The following COPS3 variants were observed in gnomAD, a reference collection of about 807,000 sequenced individuals.
COPS3 encodes COP9 signalosome complex subunit 3.
COPS3 carries 10 observed loss-of-function variants against 58.2 expected under a neutral mutation model. That is an observed-to-expected ratio of 0.17 (90% CI 0.11 to 0.29). The LOEUF (loss-of-function observed/expected upper bound fraction) is 0.29. Ranked by LOEUF, COPS3 falls within the 10% of genes least tolerant of loss-of-function variation. The pLI, the probability that COPS3 is intolerant of heterozygous loss-of-function variation, is 1.00. For missense variants in COPS3, 333 were observed against 510.1 expected, an observed-to-expected ratio of 0.65 and a Z score of 3.34; for synonymous variants, 187 against 181.7, an observed-to-expected ratio of 1.03 and a Z score of -0.24.
intron 2 of COPS3, 66 bp downstream of exon 2, chr17:17,275,969 A>G: frequency 1.4e-6 from 2 of 1,399,640 alleles, no homozygotes; most frequent in African/African-American, 2.9e-5. Flanking sequence ...AAATAAAAAT[A>G]AAGCCAGGAA....
intron 4 of COPS3, among the ~76,000 whole-genome samples, chr17:17,270,012 T>C (rs904404942): frequency 6.6e-6 from 1 of 152,016 alleles, no homozygotes; most frequent in African/African-American, 2.4e-5. Context: ...AAAAATTAGC[T>C]GGGCGTGGCA....
chr17:17,267,528 C>T (rs113871647), intron 5 of COPS3, among the ~76,000 whole-genome samples: 21,619 of 150,256 alleles, frequency 0.14, 1,613 homozygotes, highest in South Asian at 0.22. Flanking sequence ...GTCTCAGCTA[C>T]GCGAGAGGCT....
intron 2 of COPS3, among the ~76,000 whole-genome samples, chr17:17,275,324 T>C (rs2145258101): frequency 6.6e-6 from 1 of 152,184 alleles, no homozygotes; most frequent in African/African-American, 2.4e-5. Context: ...TGGCCCCAAG[T>C]GATCCACCTG....
chr17:17,268,146 A>G, intron 4 of COPS3, 169 bp from the exon 5 acceptor site: 1 of 1,010,290 alleles, frequency 9.9e-7, no homozygotes, highest in Non-Finnish European at 1.3e-6. Context: ...AAGTCAGAAA[A>G]CTTTTCTTAA....
At chr17:17,262,790 T>C (rs1216973368) in intron 6 of COPS3, among the ~76,000 whole-genome samples, 3 of 152,062 alleles carry the variant, frequency 2.0e-5, no homozygotes, top group Non-Finnish European at 2.9e-5. Flanking sequence ...CTGACTCCTA[T>C]GTTGCTCACT....
chr17:17,247,160 G>A lies in COPS3; in HGVS notation c.1219-9C>T, dbSNP rs1294300125. The A allele has an allele frequency of 3.7e-6, 6 of 1,612,534 alleles. No homozygotes were observed. The highest frequency in any genetic ancestry group is 1.3e-5 in the African/African-American group (1 of 74,872). ...TCTTGTGAGCCCATACTCTGTAAAG[G>A]TAAAGTGAAGTTATGTATTTATGTT... On this transcript the variant is annotated splice_polypyrimidine_tract_variant and intron_variant, in intron 11 of 11. Transcript: ENST00000268717.
chr17:17,276,366 A>T (rs1768936326), intron 1 of COPS3, among the ~76,000 whole-genome samples: 1 of 151,814 alleles, frequency 6.6e-6, no homozygotes, highest in South Asian at 2.1e-4. Context: ...ATTACACTGG[A>T]CCTCCCACTT....
At position 17,267,654 on chromosome 17, in the gene COPS3, A is replaced by AG. The variant is rs11464670; in HGVS notation, c.441+230dup. ...CTGTCTCAAAAAAAAAAAAAAAAAA[A>AG]GTTACAACTATTAATTACCCTATCT... On this transcript the variant is annotated intron_variant, in intron 5 of 11. Coordinates refer to ENST00000268717, the MANE Select transcript of COPS3 (RefSeq NM_003653.4). Among the ~76,000 whole-genome samples, 306 of 151,334 alleles carry AG rather than the reference A, an allele frequency of 2.0e-3. 2 individuals carry two copies. Among genetic ancestry groups the AG allele is most frequent in the Non-Finnish European group, 4.0e-3 (270 of 67,776 alleles).
chr17:17,277,708 C>G (rs979791535), intron 1 of COPS3, among the ~76,000 whole-genome samples: 1 of 152,176 alleles, frequency 6.6e-6, no homozygotes, highest in African/African-American at 2.4e-5. Context: ...GCATGAGCCA[C>G]CACACTCAGC....
intron 6 of COPS3, among the ~76,000 whole-genome samples, chr17:17,262,944 G>A (rs1284904545): frequency 6.6e-6 from 1 of 151,110 alleles, no homozygotes; most frequent in African/African-American, 2.4e-5. Context: ...TACCCAGGCT[G>A]GAGTGCAGTG....
At chr17:17,264,667 G>T in intron 6 of COPS3, 135 bp downstream of exon 6, 1 of 658,848 alleles carries the variant, frequency 1.5e-6, no homozygotes, top group Non-Finnish European at 2.6e-6. Flanking sequence ...CATGATCACA[G>T]AGAAGTAGTC....
Position 17,276,064 on chromosome 17 carries a change from T to C in COPS3, c.156A>G (p.Gln52=). The change falls in exon 2 of 12, where the codon CAA becomes CAG. Residue 52 remains glutamine (Q), a synonymous_variant. Transcript: ENST00000268717. ...CAGCAAGGACGCCCAAGGAGTGTTC[T>C]TGTACATCCAGAGCCCCGAGCACAG... ...LDTVLGALDV[Q]EHSLGVLAVL... 6.2e-7 allele frequency: 1 copy of C among 1,614,158 alleles called. No homozygotes were observed. Among genetic ancestry groups the C allele is most frequent in the Non-Finnish European group, 8.5e-7 (1 of 1,179,984 alleles).
chr17:17,262,861 G>T (rs995080882), intron 6 of COPS3, among the ~76,000 whole-genome samples: 28 of 152,098 alleles, frequency 1.8e-4, no homozygotes, highest in African/African-American at 6.0e-4. Context: ...ATCCCAAAGT[G>T]CTAGGATTAC....
chr17:17,262,591 G>A (rs1258539500), intron 6 of COPS3, among the ~76,000 whole-genome samples: 1 of 151,974 alleles, frequency 6.6e-6, no homozygotes, highest in Non-Finnish European at 1.5e-5. Flanking sequence ...TTAGCCGGGT[G>A]TGGTGGTGGG....
intron 9 of COPS3, among the ~76,000 whole-genome samples, chr17:17,254,471 TCTGTTACTCTTA>T (rs1427903825): frequency 6.6e-6 from 1 of 152,058 alleles, no homozygotes; most frequent in African/African-American, 2.4e-5. Flanking sequence ...ACAATGAACA[TCTGTTACTCTTA>T]CAGTAACAAA....
chr17:17,251,747 T>C (rs2047848555), intron 9 of COPS3, among the ~76,000 whole-genome samples: 1 of 152,178 alleles, frequency 6.6e-6, no homozygotes, highest in South Asian at 2.1e-4. Context: ...TGTTTCCTTC[T>C]ACATCAAACT....
chr17:17,278,537 G>T (rs2048508405), intron 1 of COPS3, among the ~76,000 whole-genome samples: 1 of 152,200 alleles, frequency 6.6e-6, no homozygotes, highest in South Asian at 2.1e-4. Flanking sequence ...AGATCACACA[G>T]ATTTAACTGG....
intron 6 of COPS3, 145 bp downstream of exon 6, chr17:17,264,657 C>T (rs1332446027): frequency 1.1e-5 from 7 of 628,464 alleles, no homozygotes; most frequent in Non-Finnish European, 1.9e-5. Context: ...CCACTATTTA[C>T]ATGATCACAG....
At chr17:17,251,579 C>T (rs1475348568) in intron 9 of COPS3, among the ~76,000 whole-genome samples, 1 of 151,960 alleles carries the variant, frequency 6.6e-6, no homozygotes, top group East Asian at 1.9e-4. Context: ...ATTACAGGCA[C>T]CACGCCCAGC....
Sources: gnomAD v4.1 joint callset for allele counts (sites outside exome capture counted in the v4.1 genomes callset) on GRCh38, gnomAD v4.1.1 for gene constraint, MANE v1.5 for transcripts, NCBI Gene and HGNC (gene_info 2026-07-23, HGNC 2026-07-21) for gene names.